Variants in PHF1 observed in about 807,000 individuals in gnomAD.
PHF1 encodes polycomb-like 1.
PHF1 carries 16 observed loss-of-function variants against 69.4 expected under a neutral mutation model. The observed-to-expected ratio is 0.23, with a 90% CI of 0.16 to 0.35. The LOEUF is 0.35. PHF1 is among the 10% of genes least tolerant of loss of function. PHF1 has a pLI of 1.00. For missense variants in PHF1, 515 were observed against 732.8 expected (o/e 0.70, Z 3.43); for synonymous variants, 274 against 275.0 (o/e 1.00, Z 0.04).
At chr6:33,411,416 C>T (rs971979746) in intron 1 of PHF1, among the ~76,000 whole-genome samples, 2 of 151,918 alleles carry the variant, frequency 1.3e-5, no homozygotes, top group Non-Finnish European at 2.9e-5. Context: ...TTGTCTAACC[C>T]GGGGGCAGGG....
chr6:33,414,136 TG>T lies in PHF1; in HGVS notation c.752+28del. 1 of 1,614,056 alleles carries T rather than the reference TG, an allele frequency of 6.2e-7. No homozygotes were observed. Among genetic ancestry groups the T allele is most frequent in the Non-Finnish European group, 8.5e-7 (1 of 1,179,968 alleles). On this transcript the variant is annotated intron_variant, in intron 8 of 14. Coordinates refer to ENST00000374516, the MANE Select transcript of PHF1 (RefSeq NM_024165.3). This position sits in a 1 kb window ranked among gnomAD's most constrained non-coding sequence, Gnocchi z 5.0. ...TGAGCTGGATTGGGCATGACCTCAG[TG>T]TAACTCCACACCACAGTATTTCACT... is the stretch of plus-strand genomic sequence containing the variant.
chr6:33,415,724 A>AAG, intron 14 of PHF1, 54 bp downstream of exon 14: 1 of 1,609,314 alleles, frequency 6.2e-7, no homozygotes, highest in Non-Finnish European at 8.5e-7. Flanking sequence ...CTATGTGCTC[A>AAG]AGGCTCTTAG....
chr6:33,412,133 G>T lies in PHF1; in HGVS notation c.-16-115G>T. 1.3e-6 allele frequency: 1 copy of T among 789,218 alleles called. No individual in the cohort carries two copies. 48.9% of individuals were successfully genotyped at this position (789,218 alleles called of 1,614,324 possible). A position where few individuals can be genotyped will look rare whatever the true frequency, so the allele number is the denominator to read the frequency against. On this transcript the variant is annotated intron_variant, in intron 1 of 14. Transcript: ENST00000374516. This position sits in a 1 kb window ranked among gnomAD's most constrained non-coding sequence, Gnocchi z 4.2. Reference sequence around the variant, plus strand: ...GCCAAGATTGTGCCACTGCACTCTGGCCTGGGCGACAGAGCAAAACTCCAT... The same window carrying T: ...GCCAAGATTGTGCCACTGCACTCTGTCCTGGGCGACAGAGCAAAACTCCAT...
At position 33,414,202 on chromosome 6, in the gene PHF1, C is replaced by CT. The variant is rs775335564; in HGVS notation, c.753-39dup. 4.3e-6 allele frequency: 7 copies of CT among 1,614,084 alleles called. No homozygotes were observed. Among genetic ancestry groups the CT allele is most frequent in the Non-Finnish European group, 5.9e-6 (7 of 1,179,952 alleles). ...CTCCCACCTCAGGACTCCCCTGGCT[C>CT]TTAAAATGCCTCTGTGGTCTTGAAA... On this transcript the variant is annotated intron_variant, in intron 8 of 14. Coordinates refer to ENST00000374516, the MANE Select transcript of PHF1 (RefSeq NM_024165.3). The surrounding 1 kb of genome is among the most constrained non-coding windows in gnomAD (Gnocchi z 5.0).
Position 33,416,189 on chromosome 6 carries a change from A to C in PHF1, c.*91A>C. On this transcript the variant is annotated 3_prime_UTR_variant, in exon 15 of 15. Coordinates refer to ENST00000374516, the MANE Select transcript of PHF1 (RefSeq NM_024165.3). Reference sequence around the variant, plus strand: ...TCACCTACAGCTGGGATGTACCTGGAGAGATAGGGGGTAGTTCTCCCTACT... The same window carrying C: ...TCACCTACAGCTGGGATGTACCTGGCGAGATAGGGGGTAGTTCTCCCTACT... 8.5e-7 allele frequency: 1 copy of C among 1,177,754 alleles called. No homozygotes were observed. Among genetic ancestry groups the C allele is most frequent in the Non-Finnish European group, 1.2e-6 (1 of 857,296 alleles). The allele number at this position is 1,177,754 out of a possible 1,614,324, so 73.0% of individuals were successfully genotyped here.
chr6:33,412,123 C>G lies in PHF1; in HGVS notation c.-16-125C>G. On this transcript the variant is annotated intron_variant, in intron 1 of 14. Coordinates refer to ENST00000374516, the MANE Select transcript of PHF1 (RefSeq NM_024165.3). This position sits in a 1 kb window ranked among gnomAD's most constrained non-coding sequence, Gnocchi z 4.2. ...GTTGCAGTGAGCCAAGATTGTGCCA[C>G]TGCACTCTGGCCTGGGCGACAGAGC... 2.8e-6 allele frequency: 2 copies of G among 722,224 alleles called. No individual in the cohort carries two copies. The highest frequency in any genetic ancestry group is 4.5e-6 in the Non-Finnish European group (2 of 442,710). 44.7% of individuals were successfully genotyped at this position (722,224 alleles called of 1,614,324 possible). A position where few individuals can be genotyped will look rare whatever the true frequency, so the allele number is the denominator to read the frequency against.
In PHF1 at chr6:33,414,841, A is replaced by G; in HGVS notation, c.1049+12A>G. 2 of 1,571,896 alleles carry G rather than the reference A, an allele frequency of 1.3e-6. No homozygotes were observed. The highest frequency in any genetic ancestry group is 4.6e-5 in the East Asian group (2 of 43,678). On this transcript the variant is annotated intron_variant, in intron 11 of 14. Coordinates refer to ENST00000374516, the MANE Select transcript of PHF1 (RefSeq NM_024165.3). The surrounding 1 kb of genome is among the most constrained non-coding windows in gnomAD (Gnocchi z 5.0). Reference sequence around the variant, plus strand: ...GGAGCACTCACCAGGTCACTGGTCCAGGGGGGATGGGGGAAATTCTCAGGG... The same window carrying G: ...GGAGCACTCACCAGGTCACTGGTCCGGGGGGGATGGGGGAAATTCTCAGGG...
chr6:33,414,125 C>T lies in PHF1; in HGVS notation c.752+16C>T. 1 of 1,614,072 alleles carries T rather than the reference C, an allele frequency of 6.2e-7. No individual in the cohort carries two copies. The highest frequency in any genetic ancestry group is 2.2e-5 in the East Asian group (1 of 44,876). ...AGCTTCGCTGGTGAGCTGGATTGGGCATGACCTCAGTGTAACTCCACACCA... is the reference window on the plus strand; with the variant it reads ...AGCTTCGCTGGTGAGCTGGATTGGGTATGACCTCAGTGTAACTCCACACCA... On this transcript the variant is annotated intron_variant, in intron 8 of 14. Coordinates refer to ENST00000374516, the MANE Select transcript of PHF1 (RefSeq NM_024165.3). This position sits in a 1 kb window ranked among gnomAD's most constrained non-coding sequence, Gnocchi z 5.0.
chr6:33,413,024 G>A, intron 4 of PHF1, 172 bp from the exon 5 acceptor site: 2 of 726,388 alleles, frequency 2.8e-6, no homozygotes, highest in South Asian at 3.2e-5. Context: ...TATGACCTCG[G>A]ACAAGTCCCT....
intron 13 of PHF1, 43 bp from the exon 14 acceptor site, chr6:33,415,547 G>T (rs369334642): frequency 1.3e-6 from 2 of 1,593,414 alleles, no homozygotes; most frequent in South Asian, 2.2e-5. Flanking sequence ...AGAAGGTCCT[G>T]TTCCCCTGCT....
Position 33,413,534 on chromosome 6 carries a change from C to A in PHF1, c.564C>A (p.Tyr188Ter). The change falls in exon 6 of 15, where the codon TAC becomes TAA. Residue 188 changes from tyrosine to a stop codon, truncating the protein, a stop_gained. Coordinates refer to ENST00000374516, the MANE Select transcript of PHF1 (RefSeq NM_024165.3). LOFTEE classifies it high-confidence loss of function. The part of the protein sequence containing the change: ...AGHLSNRQQS[Y>*]CYCGGPGEWN... The stretch of plus-strand genomic sequence containing the variant: ...ATCTGAGCAACCGACAGCAGAGTTA[C>A]TGTTACTGTGGTGGCCCTGGGGAGT... 1 of 1,614,164 alleles carries A rather than the reference C, an allele frequency of 6.2e-7. No individual in the cohort carries two copies. Among genetic ancestry groups the A allele is most frequent in the Non-Finnish European group, 8.5e-7 (1 of 1,180,026 alleles).
Position 33,414,890 on chromosome 6 carries a change from A to G in PHF1, c.1049+61A>G. On this transcript the variant is annotated intron_variant, in intron 11 of 14. Coordinates refer to ENST00000374516, the MANE Select transcript of PHF1 (RefSeq NM_024165.3). This position sits in a 1 kb window ranked among gnomAD's most constrained non-coding sequence, Gnocchi z 5.0. ...GGTGTTAGTCCTGGGGGGTATATGT[A>G]TAGAGATGGGGAGGTCTTGGGGGTG... is the stretch of plus-strand genomic sequence containing the variant. 7.0e-7 allele frequency: 1 copy of G among 1,433,034 alleles called. No individual in the cohort carries two copies. The highest frequency in any genetic ancestry group is 9.5e-7 in the Non-Finnish European group (1 of 1,056,988). 88.8% of individuals were successfully genotyped at this position (1,433,034 alleles called of 1,614,324 possible).
chr6:33,415,692 C>T, intron 14 of PHF1, 22 bp downstream of exon 14: 26 of 1,611,902 alleles, frequency 1.6e-5, no homozygotes, highest in East Asian at 4.5e-5. Context: ...TCTTCTATTA[C>T]CAGTGATGCT....
At position 33,412,121 on chromosome 6, in the gene PHF1, C is replaced by A; in HGVS notation, c.-16-127C>A. The stretch of plus-strand genomic sequence containing the variant: ...AGGTTGCAGTGAGCCAAGATTGTGC[C>A]ACTGCACTCTGGCCTGGGCGACAGA... On this transcript the variant is annotated intron_variant, in intron 1 of 14. Coordinates refer to ENST00000374516, the MANE Select transcript of PHF1 (RefSeq NM_024165.3). The surrounding 1 kb of genome is among the most constrained non-coding windows in gnomAD (Gnocchi z 4.2). 1 of 703,680 alleles carries A rather than the reference C, an allele frequency of 1.4e-6. No homozygotes were observed. The allele number at this position is 703,680 out of a possible 1,614,324, so 43.6% of individuals were successfully genotyped here. A position where few individuals can be genotyped will look rare whatever the true frequency, so the allele number is the denominator to read the frequency against.
In PHF1 at chr6:33,412,463, T is replaced by C. The variant is rs573890468; in HGVS notation, c.159+41T>C. The C allele has an allele frequency of 3.4e-4, 542 of 1,614,222 alleles. 4 individuals are homozygous for C. The South Asian group carries it at 5.6e-3, about 17-fold the overall frequency. On this transcript the variant is annotated intron_variant, in intron 2 of 14. Transcript: ENST00000374516. The surrounding 1 kb of genome is among the most constrained non-coding windows in gnomAD (Gnocchi z 4.2). ...TCTGACCTTCTTCCTAGTTCCCTTA[T>C]CTAATTCTGGTTCCCATTTCATCCT...
rs780576229 is a variant in PHF1 at position 33,412,517 on chromosome 6, G to A, written c.169G>A (p.Ala57Thr). 2.5e-6 allele frequency: 4 copies of A among 1,614,238 alleles called. No homozygotes were observed. The South Asian group carries it at 4.4e-5, about 18-fold the overall frequency. ...YLGTIKKVDS[A>T]REVCLVQFED... is the part of the protein sequence containing the mutation. Reference sequence around the variant, plus strand: ...TGCTCACCCATTCCAGGTGGACAGTGCTAGGGAGGTGTGTCTGGTCCAGTT... The same window carrying A: ...TGCTCACCCATTCCAGGTGGACAGTACTAGGGAGGTGTGTCTGGTCCAGTT... Residue 57 changes from alanine (A) to threonine (T), a missense_variant, in exon 3 of 15, where the codon GCT becomes ACT. By Grantham distance (58) the Ala-to-Thr change is moderately conservative. This residue lies in a region of PHF1 where 22 missense variants were observed against 48.9 expected (regional missense o/e 0.45). Transcript: ENST00000374516. This position sits in a 1 kb window ranked among gnomAD's most constrained non-coding sequence, Gnocchi z 4.2.
At chr6:33,413,014 T>G in intron 4 of PHF1, 182 bp from the exon 5 acceptor site, 1 of 701,862 alleles carries the variant, frequency 1.4e-6, no homozygotes, top group East Asian at 2.7e-5. Flanking sequence ...TTTCTAACCA[T>G]ATGACCTCGG....
chr6:33,413,720 C>G lies in PHF1; in HGVS notation c.588-16C>G, dbSNP rs762501958. The G allele has an allele frequency of 6.2e-7, 1 of 1,611,456 alleles. No homozygotes were observed. Among genetic ancestry groups the G allele is most frequent in the Non-Finnish European group, 8.5e-7 (1 of 1,178,458 alleles). Reference sequence around the variant, plus strand: ...AGGGGGTTTCTGGAGGCCAGAAGTCCTGTGTTCCCCCTCAGGTGGAACCTG... The same window carrying G: ...AGGGGGTTTCTGGAGGCCAGAAGTCGTGTGTTCCCCCTCAGGTGGAACCTG... On this transcript the variant is annotated splice_polypyrimidine_tract_variant and intron_variant, in intron 6 of 14. Transcript: ENST00000374516.
Sources: allele counts gnomAD v4.1 joint callset (sites outside exome capture counted in the v4.1 genomes callset), GRCh38; gene constraint gnomAD v4.1.1; regional missense constraint gnomAD v4.1.1; non-coding constraint Gnocchi (gnomAD v3.1); transcripts MANE v1.5; gene names NCBI Gene and HGNC (gene_info 2026-07-23, HGNC 2026-07-21).